ABAT: variants seen among roughly 807,000 people sequenced by gnomAD.
The protein encoded by ABAT is 4-aminobutyrate aminotransferase, mitochondrial.
A neutral mutation model predicts 64.6 loss-of-function variants in ABAT; 45 were observed. That is an observed-to-expected ratio of 0.70 (90% CI 0.55 to 0.89). The LOEUF (loss-of-function observed/expected upper bound fraction) is 0.89, where lower values mean the gene tolerates loss of function less well. ABAT is among the 40% of genes least tolerant of loss of function. The pLI is 0.00. For synonymous variants in ABAT, 297 were observed against 250.5 expected (o/e 1.19, Z -1.75); for missense variants, 633 against 658.4 (o/e 0.96, Z 0.42).
intron 8 of ABAT, 119 bp from the exon 9 acceptor site, chr16:8,766,089 G>A: frequency 1.1e-6 from 1 of 893,920 alleles, no homozygotes; most frequent in Non-Finnish European, 1.8e-6. Context: ...TAATACATGA[G>A]ATCCACTCCT....
chr16:8,684,810 G>A (rs145128284), intron 1 of ABAT, among the ~76,000 whole-genome samples: 232 of 151,798 alleles, frequency 1.5e-3, no homozygotes, highest in African/African-American at 5.4e-3. Context: ...CTCATTCAAT[G>A]AGGGAACCAG....
intron 1 of ABAT, among the ~76,000 whole-genome samples, chr16:8,688,362 G>A (rs762367341): frequency 1.3e-5 from 2 of 152,160 alleles, no homozygotes; most frequent in Non-Finnish European, 2.9e-5. Flanking sequence ...GGATCTGCCT[G>A]GCTCCAAAAC....
At chr16:8,773,052 A>C (rs1420799656) in intron 12 of ABAT, 135 bp downstream of exon 12, 1 of 962,976 alleles carries the variant, frequency 1.0e-6, no homozygotes, top group Non-Finnish European at 1.5e-6. Context: ...TGTCAGCATC[A>C]GGGGTGGAGA....
At chr16:8,711,334 A>G (rs190422691) in intron 1 of ABAT, among the ~76,000 whole-genome samples, 2 of 152,186 alleles carry the variant, frequency 1.3e-5, no homozygotes, top group Non-Finnish European at 2.9e-5. Context: ...TCCAGGTAGG[A>G]AACGATGGGT....
chr16:8,759,369 A>AT lies in ABAT; in HGVS notation c.366+1575dup, dbSNP rs1555491209. 1.4e-3 allele frequency among the ~76,000 whole-genome samples: 204 copies of AT among 149,954 alleles called. 1 individual carries two copies. Among genetic ancestry groups the AT allele is most frequent in the African/African-American group, 4.7e-3 (188 of 40,354 alleles). On this transcript the variant is annotated intron_variant, in intron 6 of 15. Transcript: ENST00000268251. ...TGCTTTACATGGAACAGAGTAAAAA[A>AT]TTTTTTTTTTTTACTCCCACTGAGA...
At chr16:8,755,555 C>G (rs760138376) in intron 5 of ABAT, among the ~76,000 whole-genome samples, 12 of 152,190 alleles carry the variant, frequency 7.9e-5, no homozygotes, top group Non-Finnish European at 1.8e-4. Context: ...GTAATTATCT[C>G]CCAGTACTGA....
chr16:8,766,106 G>A, intron 8 of ABAT, 102 bp from the exon 9 acceptor site: 1 of 1,096,990 alleles, frequency 9.1e-7, no homozygotes, highest in Non-Finnish European at 1.4e-6. Context: ...TCCTGAGAAA[G>A]CACTTTCTAC....
intron 5 of ABAT, among the ~76,000 whole-genome samples, chr16:8,753,439 C>A (rs1167804230): frequency 6.6e-6 from 1 of 152,180 alleles, no homozygotes; most frequent in Non-Finnish European, 1.5e-5. Context: ...GACGCCTGCC[C>A]CTGCCCTGCC....
intron 1 of ABAT, among the ~76,000 whole-genome samples, chr16:8,708,511 G>A (rs1350008674): frequency 6.6e-6 from 1 of 152,150 alleles, no homozygotes; most frequent in Non-Finnish European, 1.5e-5. Flanking sequence ...TTGTTGCCCA[G>A]GCTGGTCTTG....
Position 8,736,387 on chromosome 16 carries a change from G to A in ABAT, c.70+578G>A, listed in dbSNP as rs191294132. The A allele has an allele frequency of 1.2e-3, 195 of 161,722 alleles. 1 individual carries two copies. The South Asian group carries it at 0.013, about 11-fold the overall frequency. 10.0% of individuals were successfully genotyped at this position (161,722 alleles called of 1,614,324 possible). ...CATATGATCCTGTCCCAAGTGCCTC[G>A]GTCTGATGGGATTGGATCCACCCTG... is the stretch of plus-strand genomic sequence containing the variant. On this transcript the variant is annotated intron_variant, in intron 2 of 15. Coordinates refer to ENST00000268251, the MANE Select transcript of ABAT (RefSeq NM_020686.6).
At position 8,776,501 on chromosome 16, in the gene ABAT, C is replaced by A. The variant is rs1383532718; in HGVS notation, c.1269+11C>A. ...CTGCTGGACCTCCAGGTAACACCCC[C>A]TCCCCTGCCCCGCCCCCACCACCCA... On this transcript the variant is annotated intron_variant, in intron 14 of 15. Coordinates refer to ENST00000268251, the MANE Select transcript of ABAT (RefSeq NM_020686.6). This position sits in a 1 kb window ranked among gnomAD's most constrained non-coding sequence, Gnocchi z 4.4. 2 of 1,598,816 alleles carry A rather than the reference C, an allele frequency of 1.3e-6. No homozygotes were observed. The highest frequency in any genetic ancestry group is 8.5e-7 in the Non-Finnish European group (1 of 1,173,510).
chr16:8,734,191 C>T (rs2058843829), intron 1 of ABAT, among the ~76,000 whole-genome samples: 1 of 152,316 alleles, frequency 6.6e-6, no homozygotes, highest in South Asian at 2.1e-4. Context: ...GTGAAAGAAG[C>T]CTGATAAATC....
At chr16:8,696,483 G>A (rs2057705219) in intron 1 of ABAT, among the ~76,000 whole-genome samples, 1 of 152,106 alleles carries the variant, frequency 6.6e-6, no homozygotes, top group Admixed American at 6.6e-5. Context: ...ATTAGCCGTG[G>A]GTGGTGCACG....
In ABAT at chr16:8,772,863, A is replaced by C; in HGVS notation, c.900A>C (p.Gly300=). 1 of 1,614,052 alleles carries C rather than the reference A, an allele frequency of 6.2e-7. No homozygotes were observed. Among genetic ancestry groups the C allele is most frequent in the Non-Finnish European group, 8.5e-7 (1 of 1,180,012 alleles). The change falls in exon 12 of 16, where the codon GGA becomes GGC. Residue 300 remains glycine (G), a synonymous_variant. Transcript: ENST00000268251. ...TGGAGCCCATCCAGTCCGAGGGTGG[A>C]GACAACCACGCATCCGATGACTTCT... is the stretch of plus-strand genomic sequence containing the variant. The part of the protein sequence containing the change: ...IIVEPIQSEG[G]DNHASDDFFR...
In ABAT at chr16:8,748,104, G is replaced by T. The variant is rs751416831; in HGVS notation, c.169-4G>T. Reference sequence around the variant, plus strand: ...TATAATGCTTTTGTTGTTCTTGCCTGCAGGAGTTAATGAAACAGCTGAATA... The same window carrying T: ...TATAATGCTTTTGTTGTTCTTGCCTTCAGGAGTTAATGAAACAGCTGAATA... On this transcript the variant is annotated splice_polypyrimidine_tract_variant and splice_region_variant and intron_variant, in intron 3 of 15. Transcript: ENST00000268251. 6.2e-7 allele frequency: 1 copy of T among 1,613,174 alleles called. No individual in the cohort carries two copies. Among genetic ancestry groups the T allele is most frequent in the Admixed American group, 1.7e-5 (1 of 59,990 alleles).
intron 2 of ABAT, among the ~76,000 whole-genome samples, chr16:8,738,013 A>AAAGAAAGAAAGAAAGAAAGAAAGG (rs1268824206): frequency 5.4e-5 from 6 of 111,952 alleles, no homozygotes; most frequent in African/African-American, 7.9e-5. Flanking sequence ...AGAAAGAAAG[A>AAAGAAAGAAAGAAAGAAAGAAAGG]AAGGAAAGAA....
At chr16:8,774,223 C>A (rs916068307) in intron 12 of ABAT, among the ~76,000 whole-genome samples, 1 of 152,144 alleles carries the variant, frequency 6.6e-6, no homozygotes, top group Non-Finnish European at 1.5e-5. Flanking sequence ...AGAGCCACCG[C>A]GCCTTGCCGA....
intron 1 of ABAT, among the ~76,000 whole-genome samples, chr16:8,710,727 A>AGAGGGAAAGGGAGG (rs1555485684): frequency 6.8e-5 from 7 of 103,700 alleles, no homozygotes; most frequent in African/African-American, 1.9e-4. Flanking sequence ...AGAGAGAGAG[A>AGAGGGAAAGGGAGG]GAGGAAATAG....
intron 12 of ABAT, among the ~76,000 whole-genome samples, chr16:8,773,778 G>A (rs1230353345): frequency 1.3e-5 from 2 of 152,162 alleles, no homozygotes; most frequent in South Asian, 4.1e-4. Context: ...AGTGTTTTTA[G>A]TTCCCACCTG....
Sources: allele counts gnomAD v4.1 joint callset (sites outside exome capture counted in the v4.1 genomes callset), GRCh38; gene constraint gnomAD v4.1.1; non-coding constraint Gnocchi (gnomAD v3.1); transcripts MANE v1.5; gene names NCBI Gene and HGNC (gene_info 2026-07-23, HGNC 2026-07-21).